Variants in UNC5C observed in about 807,000 individuals in gnomAD.
The protein encoded by UNC5C is unc-5 netrin receptor C, also known as netrin receptor UNC5C.
Under a neutral mutation model 99.8 loss-of-function variants are expected in UNC5C, and 47 were observed. The ratio of observed to expected loss-of-function variants is 0.47; its 90% CI spans 0.37 to 0.60. The LOEUF is 0.60. Among genes scored for constraint, UNC5C ranks in the 20% least tolerant of loss-of-function variants. The pLI is 0.00. For missense variants in UNC5C, 1,062 were observed against 1,165.9 expected (o/e 0.91, Z 1.30); for synonymous variants, 487 against 452.2 (o/e 1.08, Z -0.98).
At chr4:95,392,804 A>T (rs959642717) in intron 1 of UNC5C, among the ~76,000 whole-genome samples, 14 of 152,292 alleles carry the variant, frequency 9.2e-5, no homozygotes, top group Admixed American at 6.5e-4. Flanking sequence ...ATTAAAAAGC[A>T]TCTTAAGAAA....
intron 7 of UNC5C, among the ~76,000 whole-genome samples, chr4:95,232,325 G>A (rs916086364): frequency 1.2e-4 from 18 of 151,210 alleles, no homozygotes; most frequent in Admixed American, 4.0e-4. Flanking sequence ...CTCTATCCCC[G>A]TCAATGCTTC....
At chr4:95,507,593 C>T (rs1038912584) in intron 1 of UNC5C, among the ~76,000 whole-genome samples, 6 of 152,018 alleles carry the variant, frequency 3.9e-5, no homozygotes, top group East Asian at 1.9e-4. Flanking sequence ...CTAGCCTCAG[C>T]TCTTCCTGTC....
intron 1 of UNC5C, among the ~76,000 whole-genome samples, chr4:95,370,518 T>A (rs1579364298): frequency 6.6e-6 from 1 of 152,322 alleles, no homozygotes; most frequent in East Asian, 1.9e-4. Flanking sequence ...GGACCTGGTT[T>A]CCTGTCACTG....
rs1735800411 is a variant in UNC5C at position 95,164,819 on chromosome 4, C to G, written c.*4415G>C. On this transcript the variant is annotated 3_prime_UTR_variant, in exon 16 of 16. Coordinates refer to ENST00000453304, the MANE Select transcript of UNC5C (RefSeq NM_003728.4). ...TGATGACTTGTCCAGAACAACTGCC[C>G]AGCAAAAGCTAAGACTCATTCAACT... The G allele has an allele frequency of 6.6e-6, 1 of 152,258 alleles. No homozygotes were observed. Among genetic ancestry groups the G allele is most frequent in the Admixed American group, 6.5e-5 (1 of 15,286 alleles). The allele number at this position is 152,258 out of a possible 1,614,324, so 9.4% of individuals were successfully genotyped here. A position where few individuals can be genotyped will look rare whatever the true frequency, so the allele number is the denominator to read the frequency against.
At chr4:95,468,470 A>G (rs1315301584) in intron 1 of UNC5C, among the ~76,000 whole-genome samples, 1 of 152,026 alleles carries the variant, frequency 6.6e-6, no homozygotes, top group Non-Finnish European at 1.5e-5. Flanking sequence ...TTTTTGCTAT[A>G]TCCATAATAT....
intron 1 of UNC5C, among the ~76,000 whole-genome samples, chr4:95,469,736 C>T (rs1218901701): frequency 6.6e-6 from 1 of 152,144 alleles, no homozygotes; most frequent in African/African-American, 2.4e-5. Flanking sequence ...TTCAGCATTA[C>T]TAGTGGCACT....
chr4:95,492,349 G>A (rs923846891), intron 1 of UNC5C, among the ~76,000 whole-genome samples: 3 of 151,114 alleles, frequency 2.0e-5, no homozygotes, highest in South Asian at 2.1e-4. Flanking sequence ...TGTGCTTAGC[G>A]TTTTGTCGTA....
intron 3 of UNC5C, among the ~76,000 whole-genome samples, chr4:95,285,177 A>T (rs1054508474): frequency 3.3e-5 from 5 of 152,230 alleles, no homozygotes; most frequent in Non-Finnish European, 7.3e-5. Flanking sequence ...TTTATTTATT[A>T]GAATAAAATA....
intron 1 of UNC5C, among the ~76,000 whole-genome samples, chr4:95,412,915 C>G (rs564971984): frequency 6.6e-6 from 1 of 152,168 alleles, no homozygotes; most frequent in Non-Finnish European, 1.5e-5. Context: ...ACTTTGTCAG[C>G]TTCCTAATTT....
intron 4 of UNC5C, among the ~76,000 whole-genome samples, chr4:95,263,282 T>A (rs1360241688): frequency 1.3e-5 from 2 of 152,158 alleles, no homozygotes; most frequent in African/African-American, 4.8e-5. Flanking sequence ...CTTTTCCCAC[T>A]ATTTAATTTT....
chr4:95,331,851 G>A (rs1420030319), intron 2 of UNC5C, among the ~76,000 whole-genome samples: 1 of 151,988 alleles, frequency 6.6e-6, no homozygotes, highest in African/African-American at 2.4e-5. Context: ...TTCGATATTA[G>A]AATAGTTTCA....
chr4:95,507,990 C>G (rs1721970347), intron 1 of UNC5C, among the ~76,000 whole-genome samples: 1 of 151,984 alleles, frequency 6.6e-6, no homozygotes, highest in Non-Finnish European at 1.5e-5. Flanking sequence ...CTTTCCATTC[C>G]TCTTGGCATC....
chr4:95,471,792 G>A (rs1377519347), intron 1 of UNC5C, among the ~76,000 whole-genome samples: 1 of 151,610 alleles, frequency 6.6e-6, no homozygotes, highest in South Asian at 2.1e-4. Context: ...TTCCATAAAC[G>A]CACTGTCAAA....
At chr4:95,304,803 C>A (rs4699850) in intron 2 of UNC5C, among the ~76,000 whole-genome samples, 103,209 of 152,058 alleles carry the variant, frequency 0.68, 35,220 homozygotes, top group East Asian at 0.84. Flanking sequence ...CAGGATATTA[C>A]AACCACATCC....
At chr4:95,522,090 T>C (rs185651463) in intron 1 of UNC5C, among the ~76,000 whole-genome samples, 111 of 152,214 alleles carry the variant, frequency 7.3e-4, no homozygotes, top group African/African-American at 2.6e-3. Context: ...TTTTCCAAGA[T>C]CATCTACAAA....
chr4:95,294,642 G>T (rs1741608411), intron 3 of UNC5C, among the ~76,000 whole-genome samples: 1 of 152,138 alleles, frequency 6.6e-6, no homozygotes, highest in Admixed American at 6.5e-5. Flanking sequence ...AATTTTATGT[G>T]AATCAGCAGA....
At chr4:95,475,490 C>A (rs1748114920) in intron 1 of UNC5C, among the ~76,000 whole-genome samples, 1 of 152,048 alleles carries the variant, frequency 6.6e-6, no homozygotes, top group African/African-American at 2.4e-5. Context: ...TGGATCCTCT[C>A]TCTTTGCTTC....
intron 1 of UNC5C, among the ~76,000 whole-genome samples, chr4:95,424,518 C>CTTTCTTTTT (rs1746411107): frequency 1.5e-5 from 1 of 67,952 alleles, no homozygotes. Context: ...TTTTTCTTTT[C>CTTTCTTTTT]TTTTTTTTTT....
intron 1 of UNC5C, among the ~76,000 whole-genome samples, chr4:95,408,858 C>A (rs534343070): frequency 1.3e-5 from 2 of 152,216 alleles, no homozygotes; most frequent in East Asian, 1.9e-4. Context: ...CATGGAATAA[C>A]CTTCCTGAAG....
Sources: allele counts gnomAD v4.1 joint callset (sites outside exome capture counted in the v4.1 genomes callset), GRCh38; gene constraint gnomAD v4.1.1; transcripts MANE v1.5; gene names NCBI Gene and HGNC (gene_info 2026-07-23, HGNC 2026-07-21).